Variants in STX3 observed in about 807,000 individuals in gnomAD.
STX3 encodes syntaxin 3, also known as syntaxin-3.
A neutral mutation model predicts 40.2 loss-of-function variants in STX3; 19 were observed. The observed-to-expected ratio is 0.47, with a 90% confidence interval of 0.33 to 0.69. STX3 has a LOEUF of 0.69. Ranked by LOEUF, STX3 falls within the 30% of genes least tolerant of loss-of-function variation. STX3 has a pLI of 0.02. For synonymous variants in STX3, 122 were observed against 132.2 expected (o/e 0.92, Z 0.53); for missense variants, 364 against 366.7 (o/e 0.99, Z 0.06).
At chr11:59,763,032 C>T (rs1013635573) in intron 1 of STX3, among the ~76,000 whole-genome samples, 2 of 152,174 alleles carry the variant, frequency 1.3e-5, no homozygotes, top group South Asian at 2.1e-4. Flanking sequence ...TGTGTAATTC[C>T]TTGGGCTAAA....
chr11:59,790,797 C>T (rs1020261325), intron 5 of STX3, among the ~76,000 whole-genome samples: 2 of 152,076 alleles, frequency 1.3e-5, no homozygotes, highest in African/African-American at 4.8e-5. Flanking sequence ...CTAAGGAGGC[C>T]CCTGAAGAGC....
In STX3 at chr11:59,755,598, G is replaced by C. The variant is rs747326982; in HGVS notation, c.-8G>C. 1 of 1,593,594 alleles carries C rather than the reference G, an allele frequency of 6.3e-7. No homozygotes were observed. Among genetic ancestry groups the C allele is most frequent in the Admixed American group, 1.7e-5 (1 of 59,726 alleles). On this transcript the variant is annotated 5_prime_UTR_variant, in exon 1 of 11. Coordinates refer to ENST00000337979, the MANE Select transcript of STX3 (RefSeq NM_004177.5). Reference sequence around the variant, plus strand: ...GCGCTACCTGCCTCCGGGCGCCTGGGCTTCAGGATGAAGGACCGTCTGGAG... The same window carrying C: ...GCGCTACCTGCCTCCGGGCGCCTGGCCTTCAGGATGAAGGACCGTCTGGAG...
intron 10 of STX3, 89 bp from the exon 11 acceptor site, chr11:59,800,766 C>T (rs1278546884): frequency 1.3e-6 from 2 of 1,530,650 alleles, no homozygotes; most frequent in Non-Finnish European, 1.7e-6. Context: ...GTCTTTCCTC[C>T]CCACCTTCCA....
At position 59,795,297 on chromosome 11, in the gene STX3, G is replaced by C; in HGVS notation, c.676-75G>C. 3 of 1,246,838 alleles carry C rather than the reference G, an allele frequency of 2.4e-6. No homozygotes were observed. The South Asian group carries it at 4.0e-5, about 17-fold the overall frequency. The allele number at this position is 1,246,838 out of a possible 1,614,324, so 77.2% of individuals were successfully genotyped here. On this transcript the variant is annotated intron_variant, in intron 8 of 10. Transcript: ENST00000337979. ...TCTTGCCACTGAAGATTGTAAGAAA[G>C]AGAATCCCTTCCCCGCATTGGCTAG...
Position 59,773,310 on chromosome 11 carries a change from G to A in STX3, c.114+16G>A. 1.9e-6 allele frequency: 3 copies of A among 1,612,980 alleles called. No individual in the cohort carries two copies. Among genetic ancestry groups the A allele is most frequent in the Non-Finnish European group, 2.5e-6 (3 of 1,179,238 alleles). On this transcript the variant is annotated intron_variant, in intron 2 of 10. Coordinates refer to ENST00000337979, the MANE Select transcript of STX3 (RefSeq NM_004177.5). ...CTTTTCTGAGGTAGGCAACCTTCCT[G>A]TATTTTTTTCTAAATGTACATAAGG...
At position 59,790,491 on chromosome 11, in the gene STX3, G is replaced by C. The variant is rs1590814859; in HGVS notation, c.290-28G>C. On this transcript the variant is annotated intron_variant, in intron 4 of 10. Transcript: ENST00000337979. ...TGTTTCTTGGAGGCGGAGATAGGTTGCAAGTATAACCTTCCTCTCCTCTTT... is the reference window on the plus strand; with the variant it reads ...TGTTTCTTGGAGGCGGAGATAGGTTCCAAGTATAACCTTCCTCTCCTCTTT... 5.7e-6 allele frequency: 9 copies of C among 1,569,826 alleles called. No individual in the cohort carries two copies. The East Asian group carries it at 2.0e-4, about 35-fold the overall frequency.
intron 5 of STX3, among the ~76,000 whole-genome samples, chr11:59,791,288 T>C (rs1296925895): frequency 1.3e-5 from 2 of 152,274 alleles, no homozygotes; most frequent in East Asian, 3.9e-4. Context: ...AGAAAAAAGT[T>C]TGCTGTGGGA....
At chr11:59,791,546 T>C (rs1377666804) in intron 5 of STX3, among the ~76,000 whole-genome samples, 3 of 152,108 alleles carry the variant, frequency 2.0e-5, no homozygotes, top group Admixed American at 2.0e-4. Flanking sequence ...GGTAGTGGGT[T>C]TGGAAAAAGT....
chr11:59,790,997 A>G (rs140023349), intron 5 of STX3, among the ~76,000 whole-genome samples: 1,898 of 151,054 alleles, frequency 0.013, 54 homozygotes, highest in Admixed American at 0.066. Flanking sequence ...ATGGAAAGCT[A>G]TTACCTAAGA....
chr11:59,790,714 G>T, intron 5 of STX3, 128 bp downstream of exon 5: 1 of 705,904 alleles, frequency 1.4e-6, no homozygotes, highest in Non-Finnish European at 2.4e-6. Context: ...TGGTAAAGGA[G>T]AACTCTCCAG....
chr11:59,790,366 G>A (rs1865052280), intron 4 of STX3, among the ~76,000 whole-genome samples, 153 bp from the exon 5 acceptor site: 1 of 152,226 alleles, frequency 6.6e-6, no homozygotes, highest in Admixed American at 6.5e-5. Flanking sequence ...TGCACGTCCT[G>A]TGGCTCATCT....
At chr11:59,759,387 G>A (rs140201299) in intron 1 of STX3, among the ~76,000 whole-genome samples, 103 of 152,348 alleles carry the variant, frequency 6.8e-4, no homozygotes, top group African/African-American at 2.5e-3. Flanking sequence ...CATGATCAGA[G>A]CTTTGTGACC....
chr11:59,769,777 C>T (rs1238617372), intron 1 of STX3, among the ~76,000 whole-genome samples: 2 of 152,086 alleles, frequency 1.3e-5, no homozygotes, highest in Non-Finnish European at 2.9e-5. Flanking sequence ...GTAGCCTCTT[C>T]CCATTTCCTT....
intron 1 of STX3, among the ~76,000 whole-genome samples, chr11:59,761,184 A>G (rs538644197): frequency 2.6e-5 from 4 of 152,316 alleles, no homozygotes; most frequent in African/African-American, 9.6e-5. Context: ...CCAAGATGAC[A>G]TGGAAGGTTG....
chr11:59,792,320 C>T, intron 6 of STX3, 105 bp downstream of exon 6: 1 of 927,164 alleles, frequency 1.1e-6, no homozygotes, highest in Non-Finnish European at 1.7e-6. Flanking sequence ...ACATTTTGTG[C>T]CTAAGTCTAG....
At chr11:59,755,273 G>C, upstream of STX3, 1 of 212,226 alleles carries the variant, frequency 4.7e-6, no homozygotes, top group African/African-American at 2.3e-5. Context: ...CGGGCGGCCG[G>C]GCGGTGGCGG....
chr11:59,768,196 G>A (rs926475185), intron 1 of STX3, among the ~76,000 whole-genome samples: 1 of 152,146 alleles, frequency 6.6e-6, no homozygotes, highest in Non-Finnish European at 1.5e-5. Context: ...AGTACGTTTT[G>A]GCAGTGCTGG....
chr11:59,773,365 A>G, intron 2 of STX3, 71 bp downstream of exon 2: 1 of 1,534,944 alleles, frequency 6.5e-7, no homozygotes, highest in East Asian at 2.3e-5. Flanking sequence ...AGAATAAAAA[A>G]CCTTAGATTT....
At chr11:59,759,044 G>C (rs1338422988) in intron 1 of STX3, among the ~76,000 whole-genome samples, 1 of 152,200 alleles carries the variant, frequency 6.6e-6, no homozygotes, top group Non-Finnish European at 1.5e-5. Flanking sequence ...TGAGGCTTTG[G>C]GTGGGTTCCC....
Sources: allele counts gnomAD v4.1 joint callset (sites outside exome capture counted in the v4.1 genomes callset), GRCh38; gene constraint gnomAD v4.1.1; transcripts MANE v1.5; gene names NCBI Gene and HGNC (gene_info 2026-07-23, HGNC 2026-07-21).